Variants in WDR53 observed in about 807,000 individuals in gnomAD.
The protein encoded by WDR53 is WD repeat-containing protein 53.
A neutral mutation model predicts 21.3 loss-of-function variants in WDR53; 19 were observed. The ratio of observed to expected loss-of-function variants is 0.89; its 90% confidence interval spans 0.62 to 1.31. The LOEUF (loss-of-function observed/expected upper bound fraction) is 1.31. WDR53 is among the 50% of genes most tolerant of loss of function. The pLI is 0.00. For missense variants in WDR53, 374 were observed against 423.2 expected, an observed-to-expected ratio of 0.88 and a Z score of 1.02; for synonymous variants, 157 against 163.4, an observed-to-expected ratio of 0.96 and a Z score of 0.30.
chr3:196,557,363 A>T (rs1734420398), intron 3 of WDR53, among the ~76,000 whole-genome samples: 1 of 152,178 alleles, frequency 6.6e-6, no homozygotes, highest in Non-Finnish European at 1.5e-5. Context: ...GAACACAGGG[A>T]GCCAGCCCTC....
chr3:196,568,523 G>C lies in WDR53; in HGVS notation c.-452C>G, dbSNP rs1289681857. The stretch of plus-strand genomic sequence containing the variant: ...CCACCGGCGCCAGCCTCATACCTGC[G>C]CTTCCCGCTCCCCTCCTCGGCGCCT... On this transcript the variant is annotated 5_prime_UTR_variant, in exon 1 of 4. Coordinates refer to ENST00000332629, the MANE Select transcript of WDR53 (RefSeq NM_182627.3). 3.3e-5 allele frequency: 5 copies of C among 152,428 alleles called. 1 individual carries two copies. The highest frequency in any genetic ancestry group is 3.3e-4 in the Admixed American group (5 of 15,288). The allele number at this position is 152,428 out of a possible 1,614,324, so 9.4% of individuals were successfully genotyped here.
intron 2 of WDR53, among the ~76,000 whole-genome samples, chr3:196,564,979 T>C (rs778095696): frequency 2.6e-5 from 4 of 152,160 alleles, no homozygotes; most frequent in Non-Finnish European, 4.4e-5. Flanking sequence ...AAAGATTAAC[T>C]CAATCTTCAA....
chr3:196,557,751 G>T (rs1577562794), intron 3 of WDR53, among the ~76,000 whole-genome samples: 1 of 151,270 alleles, frequency 6.6e-6, no homozygotes, highest in Admixed American at 6.6e-5. Context: ...TGAATGGTAG[G>T]TATACAGGTA....
chr3:196,563,674 C>T (rs1330701200), intron 2 of WDR53, among the ~76,000 whole-genome samples: 2 of 151,822 alleles, frequency 1.3e-5, no homozygotes, highest in Non-Finnish European at 2.9e-5. Context: ...TATGTTTAAG[C>T]GATTCTCCTG....
intron 3 of WDR53, among the ~76,000 whole-genome samples, chr3:196,559,408 T>C (rs1734618059): frequency 2.0e-5 from 3 of 152,130 alleles, no homozygotes; most frequent in Non-Finnish European, 4.4e-5. Flanking sequence ...AATTCTTTAT[T>C]GTTTGGAGAC....
At chr3:196,565,313 G>A (rs551000779) in intron 2 of WDR53, among the ~76,000 whole-genome samples, 47 of 151,688 alleles carry the variant, frequency 3.1e-4, no homozygotes, top group Non-Finnish European at 5.2e-4. Context: ...GGTGGCTCAC[G>A]CCTGCAATCC....
intron 2 of WDR53, among the ~76,000 whole-genome samples, chr3:196,561,976 T>A (rs7626039): frequency 6.6e-6 from 1 of 151,946 alleles, no homozygotes; most frequent in Non-Finnish European, 1.5e-5. Flanking sequence ...AGGATAATAA[T>A]GACACTCATT....
intron 3 of WDR53, among the ~76,000 whole-genome samples, chr3:196,559,465 G>A (rs1734622399): frequency 6.6e-6 from 1 of 152,124 alleles, no homozygotes. Context: ...ACTGAATACT[G>A]GTAGCTTGCA....
At chr3:196,563,677 T>G in intron 2 of WDR53, among the ~76,000 whole-genome samples, 1 of 152,064 alleles carries the variant, frequency 6.6e-6, no homozygotes, top group South Asian at 2.1e-4. Context: ...GTTTAAGCGA[T>G]TCTCCTGCCT....
chr3:196,555,624 C>T (rs967213390), intron 3 of WDR53, among the ~76,000 whole-genome samples: 1 of 152,202 alleles, frequency 6.6e-6, no homozygotes, highest in Middle Eastern at 3.4e-3. Context: ...AAGAAAAATA[C>T]TCTTAATACT....
rs755564856 is a variant in WDR53, at chr3:196,561,035, C to G, written c.441G>C (p.Gln147His). The change falls in exon 3 of 4, where the codon CAG (glutamine) becomes CAC (histidine). Residue 147 changes from glutamine to histidine, a missense_variant. By Grantham distance (24) the Gln-to-His change is conservative (BLOSUM62 0). Transcript: ENST00000332629. ...NICSSVAFRP[Q>H]RPQSLVSCGL... ...CACATGACACCAGGCTCTGAGGCCT[C>G]TGAGGCCGAAAAGCCACTGAGGAGC... 1.3e-5 allele frequency: 21 copies of G among 1,614,016 alleles called. No individual in the cohort carries two copies. The highest frequency in any genetic ancestry group is 1.8e-5 in the Non-Finnish European group (21 of 1,179,996).
At chr3:196,565,262 TA>T (rs538382754) in intron 2 of WDR53, among the ~76,000 whole-genome samples, 65,390 of 144,170 alleles carry the variant, frequency 0.45, 14,930 homozygotes, top group Middle Eastern at 0.53. Flanking sequence ...CTGGGAATGT[TA>T]AAAAAAAAAA....
At chr3:196,557,197 T>A (rs1734402855) in intron 3 of WDR53, among the ~76,000 whole-genome samples, 1 of 152,124 alleles carries the variant, frequency 6.6e-6, no homozygotes, top group African/African-American at 2.4e-5. Flanking sequence ...CAAAACAAAT[T>A]CCCCTTTTAC....
intron 2 of WDR53, among the ~76,000 whole-genome samples, chr3:196,563,575 C>CTTT (rs11332529): frequency 9.0e-4 from 129 of 143,720 alleles, no homozygotes; most frequent in African/African-American, 3.2e-3. Context: ...CAACACAAAG[C>CTTT]TTTTTTTTTT....
chr3:196,554,332 A>G lies in WDR53; in HGVS notation c.956T>C (p.Leu319Pro), dbSNP rs1034447117. The G allele has an allele frequency of 1.2e-6, 2 of 1,614,004 alleles. No individual in the cohort carries two copies. The highest frequency in any genetic ancestry group is 8.5e-7 in the Non-Finnish European group (1 of 1,179,986). ...CACTTTTTCTCCATGTTCAATATTTAGCTTTGGTAAAATGTTGCCATGTTC... is the reference window on the plus strand; with the variant it reads ...CACTTTTTCTCCATGTTCAATATTTGGCTTTGGTAAAATGTTGCCATGTTC... Reference protein sequence around the residue: ...EEEHGNILPKLNIEHGEKVNW... With the variant: ...EEEHGNILPKPNIEHGEKVNW... Residue 319 changes from leucine to proline, a missense_variant, in exon 4 of 4, where the codon CTA (leucine) becomes CCA (proline). Physicochemically the swap from Leu to Pro is moderately conservative, Grantham distance 98. Transcript: ENST00000332629.
Position 196,554,479 on chromosome 3 carries a change from G to C in WDR53, c.809C>G (p.Ala270Gly), listed in dbSNP as rs1734141442. 1.9e-6 allele frequency: 3 copies of C among 1,613,932 alleles called. No homozygotes were observed. The highest frequency in any genetic ancestry group is 2.5e-6 in the Non-Finnish European group (3 of 1,180,024). ...CTGTTTTTTCTCAACTTCACTGTTT[G>C]CATCCCACAACGTGATCTTCCCATC... ...GNDGKITLWD[A>G]NSEVEKKQKS... The change falls in exon 4 of 4, where the codon GCA (alanine) becomes GGA (glycine). Residue 270 changes from alanine (A) to glycine (G), a missense_variant. Transcript: ENST00000332629.
At chr3:196,560,876 C>T (rs1734766600) in intron 3 of WDR53, 120 bp downstream of exon 3, 10 of 1,270,250 alleles carry the variant, frequency 7.9e-6, no homozygotes, top group African/African-American at 6.0e-5. Flanking sequence ...GCTTATTGTT[C>T]ATAAATGGAT....
In WDR53 at chr3:196,562,250, TTTG is replaced by T. The variant is rs542068853; in HGVS notation, c.-16-762_-16-760del. Among the ~76,000 whole-genome samples, 221 of 152,126 alleles carry T rather than the reference TTTG, an allele frequency of 1.5e-3. 1 individual carries two copies. Among genetic ancestry groups the T allele is most frequent in the African/African-American group, 4.8e-3 (200 of 41,490 alleles). On this transcript the variant is annotated intron_variant, in intron 2 of 3. Coordinates refer to ENST00000332629, the MANE Select transcript of WDR53 (RefSeq NM_182627.3). ...TGGGGGTGAGACCAAGCAGTGTGTT[TTTG>T]TTGTTGTTGTTTTGTTTTGTTTTCT...
At chr3:196,557,525 A>C (rs1460316198) in intron 3 of WDR53, among the ~76,000 whole-genome samples, 3 of 152,134 alleles carry the variant, frequency 2.0e-5, no homozygotes, top group African/African-American at 7.2e-5. Flanking sequence ...CTGGATGACA[A>C]AGACCCTGTC....
Sources: allele counts gnomAD v4.1 joint callset (sites outside exome capture counted in the v4.1 genomes callset), GRCh38; gene constraint gnomAD v4.1.1; transcripts MANE v1.5; gene names NCBI Gene and HGNC (gene_info 2026-07-23, HGNC 2026-07-21).